Variants in NDUFB11 observed in about 807,000 individuals in gnomAD.
The protein encoded by NDUFB11 is NADH dehydrogenase [ubiquinone] 1 beta subcomplex subunit 11, mitochondrial.
For synonymous variants in NDUFB11, 51 were observed against 57.4 expected (o/e 0.89, Z 0.51); for missense variants, 108 against 133.8 (o/e 0.81, Z 0.95).
At chrX:47,145,435 C>T (rs2147055440), upstream of NDUFB11, 1 of 1,153,298 alleles carries the variant, frequency 8.7e-7, no homozygotes, top group Non-Finnish European at 1.1e-6. Context: ...GAGGTGGCGG[C>T]GGGCAGAGGT....
chrX:47,144,059 G>A (rs1409755391), intron 1 of NDUFB11, among the ~76,000 whole-genome samples: 2 of 109,355 alleles, frequency 1.8e-5, no homozygotes, highest in East Asian at 2.9e-4. Context: ...TTGGGAGGCC[G>A]AGGCGAGAGG....
upstream of NDUFB11, chrX:47,145,390 G>A (rs1369634796): frequency 7.2e-6 from 8 of 1,117,977 alleles, no homozygotes; most frequent in African/African-American, 1.3e-4. Flanking sequence ...TGGTTGTTGC[G>A]CGCTCCGGCT....
chrX:47,142,535 ACTC>A lies in NDUFB11; in HGVS notation c.338+76_338+78del, dbSNP rs782776980. 2.5e-6 allele frequency: 3 copies of A among 1,199,273 alleles called. No individual in the cohort carries two copies. In the Admixed American group the frequency reaches 6.7e-5, roughly 27 times the overall value. Reference sequence around the variant, plus strand: ...CCATTCCCAATGGTGCAGGAACAAAACTCCTGGCAGAATCCCCTTCAACCTCCA... The same window carrying A: ...CCATTCCCAATGGTGCAGGAACAAAACTGGCAGAATCCCCTTCAACCTCCA... On this transcript the variant is annotated intron_variant, in intron 2 of 2. Transcript: ENST00000377811.
At position 47,142,622 on chromosome X, in the gene NDUFB11, A is replaced by G. The variant is rs781874985; in HGVS notation, c.330T>C (p.Pro110=). The G allele has an allele frequency of 8.3e-7, 1 of 1,211,906 alleles. No homozygotes were observed. ...VLGSTFVAYL[P]DYRMKEWSRR... is the part of the protein sequence containing the mutation. ...TTGGACACCCTGTGCACCTGTAGTC[A>G]GGCAGATAGGCCACAAAGGTGCTGC... Residue 110 remains proline (P), a synonymous_variant, in exon 2 of 3, where the codon CCT becomes CCC. Transcript: ENST00000377811.
At chrX:47,144,405 T>C in intron 1 of NDUFB11, 68 bp downstream of exon 1, 1 of 793,126 alleles carries the variant, frequency 1.3e-6, no homozygotes, top group East Asian at 4.5e-5. Flanking sequence ...GCGCCCCATC[T>C]GCCGATCCCG....
Position 47,142,459 on chromosome X carries a change from G to A in NDUFB11, c.339-19C>T, listed in dbSNP as rs782513259. The A allele has an allele frequency of 3.3e-6, 4 of 1,211,126 alleles. No individual in the cohort carries two copies. The highest frequency in any genetic ancestry group is 3.5e-5 in the African/African-American group (2 of 57,884). On this transcript the variant is annotated intron_variant, in intron 2 of 2. Coordinates refer to ENST00000377811, the MANE Select transcript of NDUFB11 (RefSeq NM_001135998.3). ...TTTCATCCTGGTAGTGCAAATAGCA[G>A]GGGTAGACGTGAGGGAGCCTCAACT...
intron 1 of NDUFB11, among the ~76,000 whole-genome samples, chrX:47,143,817 T>C (rs143651379): frequency 3.6e-5 from 4 of 112,137 alleles, no homozygotes; most frequent in African/African-American, 1.3e-4. Context: ...GCAGACCTGG[T>C]AGCCCTAAAT....
At chrX:47,144,712 GA>G, upstream of NDUFB11, 1 of 1,102,034 alleles carries the variant, frequency 9.1e-7, no homozygotes, top group African/African-American at 1.8e-5. Flanking sequence ...CAGGGGCGGG[GA>G]AAGAAATGCG....
chrX:47,142,528 G>C lies in NDUFB11; in HGVS notation c.338+86C>G, dbSNP rs782761683. 5 of 1,201,814 alleles carry C rather than the reference G, an allele frequency of 4.2e-6. No homozygotes were observed. In the East Asian group the frequency reaches 8.9e-5, roughly 21 times the overall value. On this transcript the variant is annotated intron_variant, in intron 2 of 2. Coordinates refer to ENST00000377811, the MANE Select transcript of NDUFB11 (RefSeq NM_001135998.3). The stretch of plus-strand genomic sequence containing the variant: ...CAGCTCCCCATTCCCAATGGTGCAG[G>C]AACAAAACTCCTGGCAGAATCCCCT...
rs192690913 is a variant in NDUFB11, at chrX:47,142,703, G to A, written c.249C>T (p.Asp83=). The A allele has an allele frequency of 6.5e-5, 79 of 1,210,101 alleles. No homozygotes were observed. The African/African-American group carries it at 6.6e-4, about 10-fold the overall frequency. ...AGAAGACAAGTCGCATGTTCCAGAC[G>A]TCCAAAACGGGGTCCTTGTCATAAC... ...SHGYDKDPVL[D]VWNMRLVFFF... The change falls in exon 2 of 3, where the codon GAC becomes GAT. Residue 83 remains aspartate (D), a synonymous_variant. Transcript: ENST00000377811.
upstream of NDUFB11, chrX:47,144,831 G>GCA (rs1303140809): frequency 4.3e-5 from 23 of 536,720 alleles, no homozygotes; most frequent in Non-Finnish European, 6.5e-5. Flanking sequence ...GGGGCGTTGA[G>GCA]CAACCCTCTT....
At chrX:47,144,781 C>A, upstream of NDUFB11, 1 of 770,263 alleles carries the variant, frequency 1.3e-6, no homozygotes. Flanking sequence ...CTCCGCCACG[C>A]TATATAGGTC....
chrX:47,142,879 TC>T, intron 1 of NDUFB11, 135 bp from the exon 2 acceptor site: 1 of 720,051 alleles, frequency 1.4e-6, no homozygotes, highest in Non-Finnish European at 2.0e-6. Context: ...TCAAGCTCCT[TC>T]CCACTGCAGG....
At position 47,142,592 on chromosome X, in the gene NDUFB11, C is replaced by T. The variant is rs191275787; in HGVS notation, c.338+22G>A. 2.1e-4 allele frequency: 254 copies of T among 1,209,141 alleles called. No homozygotes were observed. The highest frequency in any genetic ancestry group is 1.6e-3 in the South Asian group (92 of 56,612). On this transcript the variant is annotated intron_variant, in intron 2 of 2. Transcript: ENST00000377811. ...CTGCCTCTGCCTCTTACCCATCCCA[C>T]GCTCTTGGACACCCTGTGCACCTGT...
At position 47,142,594 on chromosome X, in the gene NDUFB11, C is replaced by T. The variant is rs1556760654; in HGVS notation, c.338+20G>A. The T allele has an allele frequency of 2.5e-6, 3 of 1,211,416 alleles. No homozygotes were observed. The highest frequency in any genetic ancestry group is 2.2e-5 in the Admixed American group (1 of 45,959). On this transcript the variant is annotated intron_variant, in intron 2 of 2. Transcript: ENST00000377811. ...GCCTCTGCCTCTTACCCATCCCACGCTCTTGGACACCCTGTGCACCTGTAG... is the reference window on the plus strand; with the variant it reads ...GCCTCTGCCTCTTACCCATCCCACGTTCTTGGACACCCTGTGCACCTGTAG...
chrX:47,143,607 C>A (rs1223452930), intron 1 of NDUFB11, among the ~76,000 whole-genome samples: 1 of 112,207 alleles, frequency 8.9e-6, no homozygotes, highest in Non-Finnish European at 1.9e-5. Flanking sequence ...TACGAAGTGC[C>A]AGCTGCTGTT....
intron 1 of NDUFB11, 28 bp downstream of exon 1, chrX:47,144,445 T>TGGGGCCCCCC: frequency 1.6e-5 from 1 of 61,005 alleles, no homozygotes; most frequent in Non-Finnish European, 2.6e-5. Flanking sequence ...CCGTCCCCAC[T>TGGGGCCCCCC]ACCCCCCCCC....
chrX:47,145,062 G>C (rs782685207), upstream of NDUFB11: 1 of 299,175 alleles, frequency 3.3e-6, no homozygotes, highest in African/African-American at 2.6e-5. Context: ...CTAAAAAGCG[G>C]GCCCTGCCGA....
At position 47,143,599 on chromosome X, in the gene NDUFB11, C is replaced by T. The variant is rs141908153; in HGVS notation, c.208-855G>A. On this transcript the variant is annotated intron_variant, in intron 1 of 2. Transcript: ENST00000377811. The stretch of plus-strand genomic sequence containing the variant: ...CATTCTAGTGCTGAGTACATACTTA[C>T]GAAGTGCCAGCTGCTGTTCTGACCA... Among the ~76,000 whole-genome samples, 527 of 112,450 alleles carry T rather than the reference C, an allele frequency of 4.7e-3. 1 individual carries two copies. The highest frequency in any genetic ancestry group is 9.2e-3 in the Middle Eastern group (2 of 218).
Sources: allele counts gnomAD v4.1 joint callset (sites outside exome capture counted in the v4.1 genomes callset), GRCh38; gene constraint gnomAD v4.1.1; transcripts MANE v1.5; gene names NCBI Gene and HGNC (gene_info 2026-07-23, HGNC 2026-07-21).